FGF3: variants seen among roughly 807,000 people sequenced by gnomAD.
The protein encoded by FGF3 is FGF-3.
FGF3 carries 7 observed loss-of-function variants against 9.8 expected under a neutral mutation model. The observed-to-expected ratio is 0.72, with a 90% CI of 0.41 to 1.35. FGF3 has a LOEUF of 1.35. Ranked by LOEUF, FGF3 falls within the 40% of genes most tolerant of loss-of-function variation. The probability of loss-of-function intolerance (pLI) is 0.01; values close to 1 mark genes in which losing one functional copy is unlikely to be tolerated. For missense variants in FGF3, 390 were observed against 345.6 expected, an observed-to-expected ratio of 1.13 and a Z score of -1.02; for synonymous variants, 173 against 157.2, an observed-to-expected ratio of 1.10 and a Z score of -0.75.
Position 69,810,577 on chromosome 11 carries a change from C to G in FGF3, c.448G>C (p.Glu150Gln), listed in dbSNP as rs200088042. 3.7e-6 allele frequency: 6 copies of G among 1,611,730 alleles called. No individual in the cohort carries two copies. The highest frequency in any genetic ancestry group is 1.7e-5 in the Admixed American group (1 of 59,982). ...TPGARRQPSA[E>Q]RLWYVSVNGK... Reference sequence around the variant, plus strand: ...TTCACAGACACGTACCACAGTCTCTCGGCGCTGGGCTGCCGGCGGGCCCCA... The same window carrying G: ...TTCACAGACACGTACCACAGTCTCTGGGCGCTGGGCTGCCGGCGGGCCCCA... Residue 150 changes from glutamate (E) to glutamine (Q), a missense_variant, in exon 3 of 3, where the codon GAG becomes CAG. By Grantham distance (29) the Glu-to-Gln change is conservative. Coordinates refer to ENST00000334134, the MANE Select transcript of FGF3 (RefSeq NM_005247.4).
chr11:69,810,736 G>T, intron 2 of FGF3, 36 bp from the exon 3 acceptor site: 1 of 1,516,510 alleles, frequency 6.6e-7, no homozygotes, highest in Non-Finnish European at 8.9e-7. Context: ...GTGCCCCGGG[G>T]AGACTGTGGC....
rs1554981415 is a variant in FGF3 at position 69,818,842 on chromosome 11, C to G, written c.92G>C (p.Gly31Ala). The G allele has an allele frequency of 1.4e-6, 2 of 1,473,078 alleles. No individual in the cohort carries two copies. The highest frequency in any genetic ancestry group is 1.8e-6 in the Non-Finnish European group (2 of 1,118,676). 91.3% of individuals were successfully genotyped at this position (1,473,078 alleles called of 1,614,324 possible). ...PGARLRRDAG[G>A]RGGVYEHLGG... ...AAGGTGCTCGTAGACGCCGCCACGG[C>G]CGCCCGCATCGCGCCGCAACCGCGC... The change falls in exon 1 of 3, where the codon GGC (glycine) becomes GCC (alanine). Residue 31 changes from glycine (G) to alanine (A), a missense_variant. Physicochemically the swap from Gly to Ala is moderately conservative, Grantham distance 60 (BLOSUM62 0). Transcript: ENST00000334134.
At chr11:69,813,206 C>G (rs1210658004) in intron 2 of FGF3, among the ~76,000 whole-genome samples, 1 of 152,146 alleles carries the variant, frequency 6.6e-6, no homozygotes, top group African/African-American at 2.4e-5. Context: ...GGGGCGGGCA[C>G]TTTCTCATGG....
chr11:69,816,239 C>T, intron 2 of FGF3, 81 bp downstream of exon 2: 1 of 1,112,016 alleles, frequency 9.0e-7, no homozygotes, highest in Non-Finnish European at 1.4e-6. Flanking sequence ...TTCTACTGCC[C>T]ACATCCCCCG....
intron 2 of FGF3, among the ~76,000 whole-genome samples, chr11:69,813,318 A>G (rs1554980631): frequency 6.6e-6 from 1 of 151,938 alleles, no homozygotes; most frequent in African/African-American, 2.4e-5. Flanking sequence ...AGGAGGCTCA[A>G]CCTCTGGATG....
At chr11:69,815,702 C>A (rs935088127) in intron 2 of FGF3, among the ~76,000 whole-genome samples, 5 of 152,160 alleles carry the variant, frequency 3.3e-5, no homozygotes, top group Admixed American at 2.6e-4. Context: ...CCACCCCTAC[C>A]CCTTATGAAG....
Position 69,810,717 on chromosome 11 carries a change from T to TA in FGF3, c.325-18_325-17insT. 6.4e-7 allele frequency: 1 copy of TA among 1,561,776 alleles called. No individual in the cohort carries two copies. Among genetic ancestry groups the TA allele is most frequent in the East Asian group, 2.3e-5 (1 of 43,828 alleles). On this transcript the variant is annotated splice_polypyrimidine_tract_variant and intron_variant, in intron 2 of 2. Coordinates refer to ENST00000334134, the MANE Select transcript of FGF3 (RefSeq NM_005247.4). ...GTAGTGCTCCTGCGGGGATGAGATA[T>TA]CATGGTCAGTGCCCCGGGGAGACTG...
In FGF3 at chr11:69,810,474, T is replaced by A. The variant is rs782227926; in HGVS notation, c.551A>T (p.Asp184Val). The A allele has an allele frequency of 5.0e-6, 8 of 1,605,948 alleles. No individual in the cohort carries two copies. The highest frequency in any genetic ancestry group is 6.8e-6 in the Non-Finnish European group (8 of 1,176,742). ...CCGCACCATCTCGTGGTCCCTGTGG[T>A]CCAGCACGCGGGGCAGGAACAGGGA... is the stretch of plus-strand genomic sequence containing the variant. ...KSSLFLPRVL[D>V]HRDHEMVRQL... The change falls in exon 3 of 3, where the codon GAC (aspartate) becomes GTC (valine). Residue 184 changes from aspartate (D) to valine (V), a missense_variant. Physicochemically the swap from Asp to Val is radical, Grantham distance 152. Coordinates refer to ENST00000334134, the MANE Select transcript of FGF3 (RefSeq NM_005247.4).
chr11:69,810,782 C>G, intron 2 of FGF3, 82 bp from the exon 3 acceptor site: 7 of 1,306,898 alleles, frequency 5.4e-6, no homozygotes, highest in Non-Finnish European at 7.3e-6. Flanking sequence ...TGCCTCCCTC[C>G]CCTCCTGTGA....
At chr11:69,816,886 G>A (rs1856142139) in intron 1 of FGF3, among the ~76,000 whole-genome samples, 1 of 152,174 alleles carries the variant, frequency 6.6e-6, no homozygotes, top group Non-Finnish European at 1.5e-5. Flanking sequence ...GCCTGCCAGC[G>A]GGAAAGCTGG....
rs933416648 is a variant in FGF3 at position 69,819,340 on chromosome 11, C to T, written c.-407G>A. ...GGGCCGGGCGCCGTCTGCATACACT[C>T]GCCGCCAGCGCACCGCCGTCGAGCC... On this transcript the variant is annotated 5_prime_UTR_variant, in exon 1 of 3. Coordinates refer to ENST00000334134, the MANE Select transcript of FGF3 (RefSeq NM_005247.4). Among the ~76,000 whole-genome samples, 40 of 151,716 alleles carry T rather than the reference C, an allele frequency of 2.6e-4. No individual in the cohort carries two copies. The highest frequency in any genetic ancestry group is 9.2e-4 in the African/African-American group (38 of 41,440).
rs33951596 is a variant in FGF3 at position 69,811,450 on chromosome 11, CAAA to C, written c.325-753_325-751del. Reference sequence around the variant, plus strand: ...GGGCGACAAGAGCAAAACTCTGACTCAAAAAAAAAAAAAAAAAGAAAAGAAAAA... The same window carrying C: ...GGGCGACAAGAGCAAAACTCTGACTCAAAAAAAAAAAAAAGAAAAGAAAAA... On this transcript the variant is annotated intron_variant, in intron 2 of 2. Coordinates refer to ENST00000334134, the MANE Select transcript of FGF3 (RefSeq NM_005247.4). Among the ~76,000 whole-genome samples, 753 of 97,322 alleles carry C rather than the reference CAAA, an allele frequency of 7.7e-3. 3 individuals are homozygous for C. Among genetic ancestry groups the C allele is most frequent in the African/African-American group, 0.024 (634 of 26,100 alleles). The allele number at this position is 97,322 out of a possible 152,430, so 63.8% of individuals were successfully genotyped here. A position where few individuals can be genotyped will look rare whatever the true frequency, so the allele number is the denominator to read the frequency against.
chr11:69,813,768 G>GTGGATGGATGGATGGA lies in FGF3; in HGVS notation c.324+2536_324+2551dup, dbSNP rs138438115. Among the ~76,000 whole-genome samples, 23 of 68,122 alleles carry GTGGATGGATGGATGGA rather than the reference G, an allele frequency of 3.4e-4. 2 individuals carry two copies. Among genetic ancestry groups the GTGGATGGATGGATGGA allele is most frequent in the Middle Eastern group, 0.012 (1 of 84 alleles). The allele number at this position is 68,122 out of a possible 152,430, so 44.7% of individuals were successfully genotyped here. On this transcript the variant is annotated intron_variant, in intron 2 of 2. Transcript: ENST00000334134. ...GCTGGATGGATGGATGGGTGGATGG[G>GTGGATGGATGGATGGA]TGGATGGATGGATGGATGGATGGAT...
intron 2 of FGF3, 58 bp downstream of exon 2, chr11:69,816,262 A>G (rs1476953038): frequency 3.1e-6 from 4 of 1,305,590 alleles, no homozygotes; most frequent in Non-Finnish European, 4.4e-6. Flanking sequence ...CCCTGGCTTG[A>G]TGTGCAGGCC....
intron 2 of FGF3, among the ~76,000 whole-genome samples, chr11:69,814,290 T>C (rs1554980849): frequency 6.6e-6 from 1 of 151,818 alleles, no homozygotes; most frequent in Admixed American, 6.6e-5. Flanking sequence ...GCTGAAGAGA[T>C]GCAGGGGCGT....
chr11:69,818,816 C>A lies in FGF3; in HGVS notation c.118G>T (p.Gly40Cys). 1 of 1,489,564 alleles carries A rather than the reference C, an allele frequency of 6.7e-7. No homozygotes were observed. Among genetic ancestry groups the A allele is most frequent in the Non-Finnish European group, 8.9e-7 (1 of 1,126,636 alleles). 92.3% of individuals were successfully genotyped at this position (1,489,564 alleles called of 1,614,324 possible). A position where few individuals can be genotyped will look rare whatever the true frequency, so the allele number is the denominator to read the frequency against. Residue 40 changes from glycine to cysteine, a missense_variant, in exon 1 of 3, where the codon GGC becomes TGC. Transcript: ENST00000334134. ...GGRGGVYEHL[G>C]GAPRRRKLYC... Reference sequence around the variant, plus strand: ...AGCTTGCGGCGCCGGGGCGCCCCGCCAAGGTGCTCGTAGACGCCGCCACGG... The same window carrying A: ...AGCTTGCGGCGCCGGGGCGCCCCGCAAAGGTGCTCGTAGACGCCGCCACGG...
At chr11:69,815,723 C>T (rs189560522) in intron 2 of FGF3, among the ~76,000 whole-genome samples, 25 of 152,318 alleles carry the variant, frequency 1.6e-4, no homozygotes, top group Non-Finnish European at 2.9e-4. Flanking sequence ...AGGGGCGCTG[C>T]CATACCCACA....
rs1279509896 is a variant in FGF3, at chr11:69,819,403, G to C, written c.-470C>G. ...CGCAGCGCGCCCCACGCCCCCGAAA[G>C]CCCTCCTGGCTCTGAAAGGTCCCCT... On this transcript the variant is annotated 5_prime_UTR_variant, in exon 1 of 3. Transcript: ENST00000334134. Among the ~76,000 whole-genome samples the C allele has an allele frequency of 6.6e-6, 1 of 151,688 alleles. No homozygotes were observed. Among genetic ancestry groups the C allele is most frequent in the African/African-American group, 2.4e-5 (1 of 41,346 alleles).
At chr11:69,818,290 G>T (rs1007519420) in intron 1 of FGF3, among the ~76,000 whole-genome samples, 2 of 152,170 alleles carry the variant, frequency 1.3e-5, no homozygotes, top group African/African-American at 4.8e-5. Context: ...GCCTTGTCCG[G>T]CTCCTTTTCT....
Sources: gnomAD v4.1 joint callset for allele counts (sites outside exome capture counted in the v4.1 genomes callset) on GRCh38, gnomAD v4.1.1 for gene constraint, MANE v1.5 for transcripts, NCBI Gene and HGNC (gene_info 2026-07-23, HGNC 2026-07-21) for gene names.